Variants in QRICH2 observed in about 807,000 individuals in gnomAD.
QRICH2 encodes the protein glutamine rich 2.
Under a neutral mutation model 168.3 loss-of-function variants are expected in QRICH2, and 119 were observed. The observed-to-expected ratio is 0.71, with a 90% CI of 0.61 to 0.82. QRICH2 has a LOEUF of 0.82. Ranked by LOEUF, QRICH2 falls within the 40% of genes least tolerant of loss-of-function variation. The pLI, the probability that QRICH2 is intolerant of heterozygous loss-of-function variation, is 0.00. For missense variants in QRICH2, 2,241 were observed against 2,491.6 expected, an observed-to-expected ratio of 0.90 and a Z score of 2.14; for synonymous variants, 894 against 951.2, an observed-to-expected ratio of 0.94 and a Z score of 1.11.
In QRICH2 at chr17:76,291,817, ACCATACTGAT is replaced by A; in HGVS notation, c.2900_2909del (p.Asp967ValfsTer2). 2 of 1,614,148 alleles carry A rather than the reference ACCATACTGAT, an allele frequency of 1.2e-6. No individual in the cohort carries two copies. Among genetic ancestry groups the A allele is most frequent in the Non-Finnish European group, 1.7e-6 (2 of 1,180,032 alleles). ...GCTGATATGCACCAGGTTGTCTCAA[ACCATACTGAT>A]CCATTCCTGGCTGCACCAGACCACG... On this transcript the variant is annotated frameshift_variant, in exon 4 of 19. Transcript: ENST00000680821. LOFTEE classifies it high-confidence loss of function.
chr17:76,274,604 C>G (rs947159756), intron 18 of QRICH2, among the ~76,000 whole-genome samples: 13 of 152,228 alleles, frequency 8.5e-5, no homozygotes, highest in African/African-American at 1.4e-4. Context: ...ACCAGTCCCT[C>G]TCTCCTGCTT....
Position 76,307,618 on chromosome 17 carries a change from G to A in QRICH2, c.381C>T (p.Ile127=), listed in dbSNP as rs1285210037. The change falls in exon 1 of 19, where the codon ATC becomes ATT. Residue 127 remains isoleucine (I), a synonymous_variant. Transcript: ENST00000680821. This position sits in a 1 kb window ranked among gnomAD's most constrained non-coding sequence, Gnocchi z 5.3. ...GGGAGAAGTGCTGCACGTGCGTGGC[G>A]ATGCCCTGCACCTGGCCGTCCACAC... The part of the protein sequence containing the change: ...LKRVDGQVQG[I]ATHVQHFSQA... 1.5e-5 allele frequency: 23 copies of A among 1,524,436 alleles called. No homozygotes were observed. Among genetic ancestry groups the A allele is most frequent in the African/African-American group, 5.5e-5 (4 of 72,568 alleles). The allele number at this position is 1,524,436 out of a possible 1,614,324, so 94.4% of individuals were successfully genotyped here.
chr17:76,296,777 CAAAA>C (rs758967969), intron 3 of QRICH2, among the ~76,000 whole-genome samples: 1 of 90,816 alleles, frequency 1.1e-5, no homozygotes. Context: ...GGCTCTGTCT[CAAAA>C]AAAAAAAAAA....
In QRICH2 at chr17:76,280,090, T is replaced by C; in HGVS notation, c.4691A>G (p.Gln1564Arg). The change falls in exon 12 of 19, where the codon CAG (glutamine) becomes CGG (arginine). Residue 1564 changes from glutamine to arginine, a missense_variant. Gln to Arg is a conservative substitution (Grantham distance 43). Coordinates refer to ENST00000680821, the MANE Select transcript of QRICH2 (RefSeq NM_001388453.1). The surrounding 1 kb of genome is among the most constrained non-coding windows in gnomAD (Gnocchi z 7.4). ...GAGTGGGGGGCGCTCCCTGAGCTGCTGTCGCAGCGATTTCCACCGATCCTC... is the reference window on the plus strand; with the variant it reads ...GAGTGGGGGGCGCTCCCTGAGCTGCCGTCGCAGCGATTTCCACCGATCCTC... ...LLEDRWKSLRQQLRERPPLYQ... is the reference protein window; with the variant it reads ...LLEDRWKSLRRQLRERPPLYQ... 1 of 1,613,744 alleles carries C rather than the reference T, an allele frequency of 6.2e-7. No homozygotes were observed. The highest frequency in any genetic ancestry group is 8.5e-7 in the Non-Finnish European group (1 of 1,180,006).
chr17:76,279,351 G>A lies in QRICH2; in HGVS notation c.4814+12C>T. 1 of 1,610,306 alleles carries A rather than the reference G, an allele frequency of 6.2e-7. No homozygotes were observed. The highest frequency in any genetic ancestry group is 8.5e-7 in the Non-Finnish European group (1 of 1,177,858). ...CCATGCGAGGCCACGTGCCGGCGGT[G>A]TGGGCACTCACTGTCCAGTCACAGG... On this transcript the variant is annotated intron_variant, in intron 13 of 18. Transcript: ENST00000680821.
chr17:76,283,765 T>G (rs775841209), intron 7 of QRICH2, among the ~76,000 whole-genome samples: 2 of 142,330 alleles, frequency 1.4e-5, no homozygotes, highest in Non-Finnish European at 2.9e-5. Context: ...TCTCAGCTAC[T>G]TGGGAGGCTG....
rs774344932 is a variant in QRICH2, at chr17:76,284,092, C to T, written c.4012-1977G>A. On this transcript the variant is annotated intron_variant, in intron 7 of 18. Transcript: ENST00000680821. ...CTGAGATAGGAGAATCACTTGAACC[C>T]GGGAGGTGGAGAATGCAGTGAGCTG... Among the ~76,000 whole-genome samples the T allele has an allele frequency of 1.2e-4, 16 of 128,066 alleles. 2 individuals are homozygous for T. The highest frequency in any genetic ancestry group is 1.9e-4 in the African/African-American group (5 of 26,112). 84.0% of individuals were successfully genotyped at this position (128,066 alleles called of 152,430 possible).
At chr17:76,304,160 C>A (rs962795170) in intron 3 of QRICH2, among the ~76,000 whole-genome samples, 1 of 152,172 alleles carries the variant, frequency 6.6e-6, no homozygotes, top group Non-Finnish European at 1.5e-5. Context: ...GGGGTCTACA[C>A]TGGAACAGCA....
Position 76,307,427 on chromosome 17 carries a change from G to A in QRICH2, c.534+38C>T, listed in dbSNP as rs1322494786. On this transcript the variant is annotated intron_variant, in intron 1 of 18. Transcript: ENST00000680821. The surrounding 1 kb of genome is among the most constrained non-coding windows in gnomAD (Gnocchi z 5.3). ...TAGGCCTGGAGGGCGGCCTGGAGGA[G>A]GCAGACGGCCTGCGCGTGCCTCCGT... The A allele has an allele frequency of 2.5e-6, 4 of 1,609,476 alleles. No individual in the cohort carries two copies. The highest frequency in any genetic ancestry group is 1.3e-5 in the African/African-American group (1 of 74,850).
chr17:76,308,128 GAGT>G lies in QRICH2; in HGVS notation c.-133_-131del. 1.6e-6 allele frequency: 2 copies of G among 1,219,452 alleles called. No individual in the cohort carries two copies. Among genetic ancestry groups the G allele is most frequent in the Non-Finnish European group, 2.0e-6 (2 of 980,892 alleles). The allele number at this position is 1,219,452 out of a possible 1,614,324, so 75.5% of individuals were successfully genotyped here. A position where few individuals can be genotyped will look rare whatever the true frequency, so the allele number is the denominator to read the frequency against. ...GGGCGCCCCTGCCCCGGGTCCGGCC[GAGT>G]CACTGGACAGAGCTCCTGCCTCCAG... On this transcript the variant is annotated 5_prime_UTR_variant, in exon 1 of 19. Transcript: ENST00000680821.
chr17:76,306,182 A>T (rs1235798794), intron 1 of QRICH2, among the ~76,000 whole-genome samples: 3 of 150,724 alleles, frequency 2.0e-5, no homozygotes, highest in African/African-American at 7.4e-5. Context: ...AAAAAAAAAA[A>T]AAAAAAAAAA....
In QRICH2 at chr17:76,291,867, AT is replaced by A; in HGVS notation, c.2859del (p.Gln953HisfsTer19). On this transcript the variant is annotated frameshift_variant, in exon 4 of 19. Coordinates refer to ENST00000680821, the MANE Select transcript of QRICH2 (RefSeq NM_001388453.1). LOFTEE classifies it high-confidence loss of function. ...QPGAYLHDLS[Q>X]SGTYPRGLVQ... ...ACCAGACCACGTGGATATGTCCCAGATTGAGATAAATCATGCAAATATGCAC... is the reference window on the plus strand; with the variant it reads ...ACCAGACCACGTGGATATGTCCCAGATGAGATAAATCATGCAAATATGCAC... The A allele has an allele frequency of 1.2e-6, 2 of 1,614,018 alleles. No individual in the cohort carries two copies. Among genetic ancestry groups the A allele is most frequent in the Non-Finnish European group, 1.7e-6 (2 of 1,180,014 alleles).
chr17:76,284,829 AAAAG>A (rs1310227930), intron 7 of QRICH2, among the ~76,000 whole-genome samples: 10 of 152,060 alleles, frequency 6.6e-5, no homozygotes, highest in African/African-American at 2.4e-4. Context: ...AGAAAAAAAA[AAAAG>A]ATGAAAAAGA....
Position 76,293,010 on chromosome 17 carries a change from A to T in QRICH2, c.1717T>A (p.Ser573Thr). The change falls in exon 4 of 19, where the codon TCT becomes ACT. Residue 573 changes from serine (S) to threonine (T), a missense_variant. Coordinates refer to ENST00000680821, the MANE Select transcript of QRICH2 (RefSeq NM_001388453.1). ...PGTEQHDLIQSGRFQRALVQR... is the reference protein window; with the variant it reads ...PGTEQHDLIQTGRFQRALVQR... ...ACCAAAGCACGCTGAAATCTGCCAGACTGGATCAAATCATGCTGCTCTGTG... is the reference window on the plus strand; with the variant it reads ...ACCAAAGCACGCTGAAATCTGCCAGTCTGGATCAAATCATGCTGCTCTGTG... The T allele has an allele frequency of 1.2e-6, 2 of 1,614,102 alleles. No individual in the cohort carries two copies. The highest frequency in any genetic ancestry group is 1.7e-6 in the Non-Finnish European group (2 of 1,180,022).
Position 76,277,463 on chromosome 17 carries a change from C to G in QRICH2, c.5118-153G>C, listed in dbSNP as rs533763992. Among the ~76,000 whole-genome samples, 1,455 of 151,992 alleles carry G rather than the reference C, an allele frequency of 9.6e-3. 29 individuals are homozygous for G. The highest frequency in any genetic ancestry group is 0.034 in the African/African-American group (1,394 of 41,418). On this transcript the variant is annotated intron_variant, in intron 15 of 18. Coordinates refer to ENST00000680821, the MANE Select transcript of QRICH2 (RefSeq NM_001388453.1). Reference sequence around the variant, plus strand: ...GCAGCAGGGGCCCAGAACAGGCGGGCGGGGGTAGAGCAGCCGTGAGGCCGG... The same window carrying G: ...GCAGCAGGGGCCCAGAACAGGCGGGGGGGGGTAGAGCAGCCGTGAGGCCGG...
At chr17:76,303,739 G>T (rs563191123) in intron 3 of QRICH2, among the ~76,000 whole-genome samples, 2 of 152,052 alleles carry the variant, frequency 1.3e-5, no homozygotes, top group South Asian at 4.2e-4. Context: ...CAGGCGTGGT[G>T]GTGGGCGCCT....
At chr17:76,305,092 G>C in intron 1 of QRICH2, 151 bp from the exon 2 acceptor site, 2 of 663,948 alleles carry the variant, frequency 3.0e-6, no homozygotes, top group South Asian at 3.2e-5. Context: ...GCCAGGAGAC[G>C]AGGAAAGGGG....
chr17:76,289,327 C>T (rs2070946213), intron 5 of QRICH2, among the ~76,000 whole-genome samples: 1 of 151,920 alleles, frequency 6.6e-6, no homozygotes, highest in Non-Finnish European at 1.5e-5. Context: ...GCTGAGACTA[C>T]AGGCATGCAC....
chr17:76,304,586 A>T, intron 2 of QRICH2, 61 bp from the exon 3 acceptor site: 1 of 1,244,282 alleles, frequency 8.0e-7, no homozygotes, highest in Non-Finnish European at 1.2e-6. Flanking sequence ...CAGCTTTAGG[A>T]ACAGACTTGG....
Sources: allele counts gnomAD v4.1 joint callset (sites outside exome capture counted in the v4.1 genomes callset), GRCh38; gene constraint gnomAD v4.1.1; non-coding constraint Gnocchi (gnomAD v3.1); transcripts MANE v1.5; gene names NCBI Gene and HGNC (gene_info 2026-07-23, HGNC 2026-07-21).